PIK3C2A: variants seen among roughly 807,000 people sequenced by gnomAD.
PIK3C2A encodes phosphatidylinositol-4-phosphate 3-kinase catalytic subunit type 2 alpha.
Under a neutral mutation model 204.5 loss-of-function variants are expected in PIK3C2A, and 97 were observed. That is an observed-to-expected ratio of 0.47 (90% confidence interval 0.40 to 0.56). The LOEUF (loss-of-function observed/expected upper bound fraction) is 0.56, where lower values mean the gene tolerates loss of function less well. Among genes scored for constraint, PIK3C2A ranks in the 20% least tolerant of loss-of-function variants. The pLI is 0.00. For synonymous variants in PIK3C2A, 653 were observed against 664.4 expected (o/e 0.98, Z 0.26); for missense variants, 1,735 against 1,969.2 (o/e 0.88, Z 2.25).
At chr11:17,162,339 TA>T (rs1160583333) in intron 2 of PIK3C2A, among the ~76,000 whole-genome samples, 56 of 131,712 alleles carry the variant, frequency 4.3e-4, no homozygotes, top group Admixed American at 6.2e-4. Flanking sequence ...AGACTCCATC[TA>T]AAAAAAAAAA....
chr11:17,149,205 T>C (rs1325161830), intron 4 of PIK3C2A, among the ~76,000 whole-genome samples: 1 of 152,154 alleles, frequency 6.6e-6, no homozygotes, highest in Non-Finnish European at 1.5e-5. Flanking sequence ...CTAGAGATGA[T>C]TTAAAATATA....
At chr11:17,156,337 T>C (rs1297488243) in intron 2 of PIK3C2A, among the ~76,000 whole-genome samples, 2 of 152,210 alleles carry the variant, frequency 1.3e-5, no homozygotes, top group African/African-American at 2.4e-5. Flanking sequence ...AAAGTGCGTA[T>C]ATTTCAAGAG....
At chr11:17,094,410 A>C in intron 27 of PIK3C2A, 25 bp from the exon 28 acceptor site, 1 of 1,588,006 alleles carries the variant, frequency 6.3e-7, no homozygotes, top group Non-Finnish European at 8.6e-7. Flanking sequence ...CACCACAAAC[A>C]CATAAAATTT....
chr11:17,117,027 C>G (rs1268039741), intron 19 of PIK3C2A, among the ~76,000 whole-genome samples: 1 of 152,192 alleles, frequency 6.6e-6, no homozygotes, highest in Non-Finnish European at 1.5e-5. Context: ...CATGCTAGAA[C>G]ACAGATGAAC....
At chr11:17,150,146 G>A (rs1254019963) in intron 4 of PIK3C2A, among the ~76,000 whole-genome samples, 2 of 152,124 alleles carry the variant, frequency 1.3e-5, no homozygotes, top group African/African-American at 4.8e-5. Flanking sequence ...GAAGAACTTA[G>A]CAAGATATCT....
intron 14 of PIK3C2A, among the ~76,000 whole-genome samples, 172 bp from the exon 15 acceptor site, chr11:17,122,505 C>A (rs1489383392): frequency 6.6e-6 from 1 of 152,134 alleles, no homozygotes; most frequent in Admixed American, 6.5e-5. Flanking sequence ...CTCAACAGCA[C>A]ATACATATTT....
At chr11:17,206,434 TACTTC>T (rs1206904456) in intron 1 of PIK3C2A, among the ~76,000 whole-genome samples, 1 of 151,900 alleles carries the variant, frequency 6.6e-6, no homozygotes, top group Non-Finnish European at 1.5e-5. Context: ...AAAATCTGTA[TACTTC>T]AACTAGGGTC....
Position 17,091,973 on chromosome 11 carries a change from AAAG to A in PIK3C2A, c.4642+20_4642+22del, listed in dbSNP as rs1848323976. On this transcript the variant is annotated intron_variant, in intron 30 of 32. Transcript: ENST00000691414. ...GACTTGCAGATCATGAGTTACCAAT[AAAG>A]AGAAAAAAAATAATCTCACCTGCAG... The A allele has an allele frequency of 4.0e-6, 6 of 1,487,804 alleles. No homozygotes were observed. The highest frequency in any genetic ancestry group is 5.6e-6 in the Non-Finnish European group (6 of 1,066,310). 92.2% of individuals were successfully genotyped at this position (1,487,804 alleles called of 1,614,324 possible). A position where few individuals can be genotyped will look rare whatever the true frequency, so the allele number is the denominator to read the frequency against.
chr11:17,186,898 C>A (rs145142338), intron 1 of PIK3C2A, among the ~76,000 whole-genome samples: 13 of 152,120 alleles, frequency 8.5e-5, no homozygotes, highest in Admixed American at 8.5e-4. Flanking sequence ...GGACAACACA[C>A]TAAAACCCCA....
intron 1 of PIK3C2A, among the ~76,000 whole-genome samples, chr11:17,176,241 A>G (rs1851336684): frequency 6.6e-6 from 1 of 151,648 alleles, no homozygotes; most frequent in Admixed American, 6.6e-5. Context: ...CCCTGACCTC[A>G]GGTGATCCAC....
At position 17,169,810 on chromosome 11, in the gene PIK3C2A, T is replaced by A; in HGVS notation, c.-65-4A>T. The A allele has an allele frequency of 1.0e-6, 1 of 986,516 alleles. No homozygotes were observed. Among genetic ancestry groups the A allele is most frequent in the Non-Finnish European group, 1.5e-6 (1 of 669,730 alleles). 61.1% of individuals were successfully genotyped at this position (986,516 alleles called of 1,614,324 possible). ...GTAGCTTCCAAAATAGCAAGGCCTATACATAAAAATAAACATAACACTCAA... is the reference window on the plus strand; with the variant it reads ...GTAGCTTCCAAAATAGCAAGGCCTAAACATAAAAATAAACATAACACTCAA... On this transcript the variant is annotated splice_region_variant and splice_polypyrimidine_tract_variant and intron_variant, in intron 1 of 32. Coordinates refer to ENST00000691414, the MANE Select transcript of PIK3C2A (RefSeq NM_002645.4).
intron 13 of PIK3C2A, 93 bp downstream of exon 13, chr11:17,129,207 C>T (rs1055490793): frequency 6.4e-6 from 6 of 939,858 alleles, no homozygotes; most frequent in East Asian, 4.8e-5. Flanking sequence ...ATTCACTCAT[C>T]TATGTTCCTC....
At chr11:17,159,108 C>T (rs188747574) in intron 2 of PIK3C2A, among the ~76,000 whole-genome samples, 3 of 152,318 alleles carry the variant, frequency 2.0e-5, no homozygotes, top group East Asian at 1.9e-4. Context: ...CCAAACTCCA[C>T]ACAAACAAAC....
At chr11:17,122,883 A>G in intron 13 of PIK3C2A, 70 bp from the exon 14 acceptor site, 1 of 681,376 alleles carries the variant, frequency 1.5e-6, no homozygotes, top group Non-Finnish European at 2.5e-6. Context: ...AACACATGTA[A>G]TGAATTTGAA....
intron 1 of PIK3C2A, among the ~76,000 whole-genome samples, chr11:17,207,096 A>G (rs1852607090): frequency 6.6e-6 from 1 of 152,184 alleles, no homozygotes; most frequent in Non-Finnish European, 1.5e-5. Flanking sequence ...TCCTCCCCCA[A>G]AAAATAATTC....
intron 2 of PIK3C2A, among the ~76,000 whole-genome samples, chr11:17,165,603 G>A (rs534204452): frequency 5.3e-5 from 8 of 151,702 alleles, no homozygotes; most frequent in African/African-American, 1.5e-4. Flanking sequence ...TGGAGAAACC[G>A]CGTCTCTACT....
chr11:17,138,840 T>C (rs1035778403), intron 8 of PIK3C2A, among the ~76,000 whole-genome samples: 13 of 152,146 alleles, frequency 8.5e-5, no homozygotes, highest in South Asian at 2.1e-4. Flanking sequence ...GTGTGAGCCA[T>C]AGTATGCCAA....
At chr11:17,182,810 T>C (rs1310219845) in intron 1 of PIK3C2A, among the ~76,000 whole-genome samples, 2 of 152,146 alleles carry the variant, frequency 1.3e-5, no homozygotes, top group East Asian at 1.9e-4. Context: ...ACATGATCAA[T>C]TTATGTAAAA....
rs1331090756 is a variant in PIK3C2A, at chr11:17,119,911, A to T, written c.2721T>A (p.Asn907Lys). 1.2e-6 allele frequency: 2 copies of T among 1,610,950 alleles called. No individual in the cohort carries two copies. The highest frequency in any genetic ancestry group is 1.7e-6 in the Non-Finnish European group (2 of 1,178,108). Residue 907 changes from asparagine to lysine, a missense_variant, in exon 16 of 33, where the codon AAT becomes AAA. Asn to Lys is a moderately conservative substitution (Grantham distance 94, BLOSUM62 0). Around this residue, in one of 6 missense-constraint regions of PIK3C2A, gnomAD observed 567 missense variants for 576.0 expected, o/e 0.98. Transcript: ENST00000691414. The stretch of plus-strand genomic sequence containing the variant: ...CGCTTGCTAATATTTTAGGAAGACA[A>T]TTTGGGTGTTTGAAGCAATAATAAC... ...EKRYYCFKHP[N>K]CLPKILASAP...
Sources: allele counts gnomAD v4.1 joint callset (sites outside exome capture counted in the v4.1 genomes callset), GRCh38; gene constraint gnomAD v4.1.1; regional missense constraint gnomAD v4.1.1; transcripts MANE v1.5; gene names NCBI Gene and HGNC (gene_info 2026-07-23, HGNC 2026-07-21).